Variants in GRM8 observed in about 807,000 individuals in gnomAD.
GRM8 encodes metabotropic glutamate receptor 8.
GRM8 carries 47 observed loss-of-function variants against 87.2 expected under a neutral mutation model. The observed-to-expected ratio is 0.54, with a 90% CI of 0.43 to 0.69. The LOEUF (loss-of-function observed/expected upper bound fraction) is 0.69. Among genes scored for constraint, GRM8 ranks in the 30% least tolerant of loss-of-function variants. The pLI is 0.00. For missense variants in GRM8, 1,019 were observed against 1,139.2 expected, an observed-to-expected ratio of 0.89 and a Z score of 1.52; for synonymous variants, 396 against 404.5, an observed-to-expected ratio of 0.98 and a Z score of 0.25.
chr7:126,854,023 G>A (rs1393746188), intron 6 of GRM8, among the ~76,000 whole-genome samples: 1 of 152,114 alleles, frequency 6.6e-6, no homozygotes, highest in Non-Finnish European at 1.5e-5. Context: ...TGAACATCAG[G>A]GTAGGAGAAC....
chr7:126,983,725 A>G (rs1342218006), intron 3 of GRM8, among the ~76,000 whole-genome samples: 1 of 152,182 alleles, frequency 6.6e-6, no homozygotes, highest in Non-Finnish European at 1.5e-5. Flanking sequence ...ATGCCCTCTG[A>G]TTAAGGTTAA....
In GRM8 at chr7:126,493,998, T is replaced by C. The variant is rs2150656182; in HGVS notation, c.2430+38954A>G. Among the ~76,000 whole-genome samples the C allele has an allele frequency of 2.6e-5, 4 of 152,088 alleles. No homozygotes were observed. In the Middle Eastern group the frequency reaches 0.01, roughly 388 times the overall value. On this transcript the variant is annotated intron_variant, in intron 9 of 10. Transcript: ENST00000339582. ...GGAAGTCACAGCTCTGCGGAGCTGC[T>C]TCCTCTCTCTGATAATGAGTCTCAA...
At chr7:127,092,905 T>G (rs1824289566) in intron 3 of GRM8, among the ~76,000 whole-genome samples, 1 of 152,210 alleles carries the variant, frequency 6.6e-6, no homozygotes, top group South Asian at 2.1e-4. Context: ...CACCTGGCAA[T>G]GCTCCCAAAC....
intron 3 of GRM8, among the ~76,000 whole-genome samples, chr7:126,935,290 C>T (rs1029694941): frequency 2.5e-4 from 38 of 151,996 alleles, no homozygotes; most frequent in African/African-American, 8.5e-4. Flanking sequence ...ATGGCAAAGA[C>T]GCAAAAACAA....
chr7:126,444,663 T>A (rs1801817251), intron 10 of GRM8, among the ~76,000 whole-genome samples: 1 of 152,092 alleles, frequency 6.6e-6, no homozygotes, highest in Admixed American at 6.6e-5. Flanking sequence ...TAGACAATGC[T>A]TATCTAGAAA....
intron 7 of GRM8, among the ~76,000 whole-genome samples, chr7:126,767,376 C>G (rs1359424933): frequency 6.6e-6 from 1 of 152,056 alleles, no homozygotes; most frequent in East Asian, 1.9e-4. Flanking sequence ...GAGAAGACTT[C>G]TGCTTTTGCT....
In GRM8 at chr7:127,252,158, T is replaced by A. The variant is rs549488380; in HGVS notation, c.-312+639A>T. On this transcript the variant is annotated intron_variant, in intron 1 of 10. Transcript: ENST00000339582. This position sits in a 1 kb window ranked among gnomAD's most constrained non-coding sequence, Gnocchi z 4.9. ...TCATCTCGGCGGGGCAAGTCCGGAT[T>A]CCACCAGGGCAGGTCCGGGAGGTCA... 1 of 152,032 alleles carries A rather than the reference T, an allele frequency of 6.6e-6. No homozygotes were observed. The highest frequency in any genetic ancestry group is 2.0e-4 in the East Asian group (1 of 5,126). 9.4% of individuals were successfully genotyped at this position (152,032 alleles called of 1,614,324 possible).
intron 2 of GRM8, among the ~76,000 whole-genome samples, chr7:127,215,475 C>T (rs1796471998): frequency 6.6e-6 from 1 of 151,986 alleles, no homozygotes; most frequent in Admixed American, 6.6e-5. Context: ...TCCTCATCTC[C>T]CATTCCACAA....
intron 7 of GRM8, among the ~76,000 whole-genome samples, chr7:126,641,284 A>C (rs1312456333): frequency 6.6e-6 from 1 of 152,210 alleles, no homozygotes; most frequent in East Asian, 1.9e-4. Context: ...TGAACCCAAA[A>C]CAAAGAAAAA....
Position 126,534,738 on chromosome 7 carries a change from G to T in GRM8, c.1495-851C>A, listed in dbSNP as rs146982765. Among the ~76,000 whole-genome samples the T allele has an allele frequency of 9.9e-4, 151 of 152,260 alleles. 1 individual carries two copies. The highest frequency in any genetic ancestry group is 3.4e-3 in the African/African-American group (141 of 41,550). On this transcript the variant is annotated intron_variant, in intron 8 of 10. Coordinates refer to ENST00000339582, the MANE Select transcript of GRM8 (RefSeq NM_000845.3). ...ATCATTGATCTCTTACCTTTAATTT[G>T]CTTTTCTTATTAGACACAGTAATTT... is the stretch of plus-strand genomic sequence containing the variant.
chr7:127,101,738 A>G (rs1825281608), intron 3 of GRM8, among the ~76,000 whole-genome samples: 1 of 152,198 alleles, frequency 6.6e-6, no homozygotes, highest in Non-Finnish European at 1.5e-5. Context: ...AAATGCAAGA[A>G]CAGCCTAACA....
chr7:127,176,522 G>A (rs1794117963), intron 2 of GRM8, among the ~76,000 whole-genome samples: 1 of 152,156 alleles, frequency 6.6e-6, no homozygotes, highest in African/African-American at 2.4e-5. Flanking sequence ...GCAACGTACA[G>A]AAGCTCACAC....
chr7:126,846,651 A>G (rs1322828630), intron 6 of GRM8, among the ~76,000 whole-genome samples: 1 of 152,232 alleles, frequency 6.6e-6, no homozygotes, highest in Non-Finnish European at 1.5e-5. Context: ...CATTAATACC[A>G]TGACATTTGA....
intron 2 of GRM8, among the ~76,000 whole-genome samples, chr7:127,110,565 G>A (rs1160175): frequency 0.99 from 151,162 of 152,350 alleles, 74,997 homozygotes; most frequent in Middle Eastern, 1. Flanking sequence ...CAAATGAAGC[G>A]TATTTGAGTC....
chr7:127,013,672 C>T (rs1815115799), intron 3 of GRM8, among the ~76,000 whole-genome samples: 1 of 152,084 alleles, frequency 6.6e-6, no homozygotes, highest in Admixed American at 6.6e-5. Flanking sequence ...TATTCCTGAA[C>T]ATTTAACTAT....
chr7:126,622,997 A>G (rs954624887), intron 7 of GRM8, among the ~76,000 whole-genome samples: 2 of 152,208 alleles, frequency 1.3e-5, no homozygotes, highest in East Asian at 1.9e-4. Context: ...TGATTCTTAC[A>G]TATTTCCAAA....
At chr7:127,069,014 A>C (rs773472284) in intron 3 of GRM8, among the ~76,000 whole-genome samples, 32 of 152,180 alleles carry the variant, frequency 2.1e-4, no homozygotes, top group Non-Finnish European at 3.5e-4. Context: ...GTGAAGGAAA[A>C]GTCTTTAACG....
intron 6 of GRM8, among the ~76,000 whole-genome samples, chr7:126,781,109 A>G (rs1162552777): frequency 6.6e-6 from 1 of 152,210 alleles, no homozygotes; most frequent in Non-Finnish European, 1.5e-5. Flanking sequence ...AGTGCTGCTC[A>G]ATTAGATGGG....
intron 2 of GRM8, among the ~76,000 whole-genome samples, chr7:127,167,259 C>T (rs1191381071): frequency 6.6e-6 from 1 of 152,116 alleles, no homozygotes; most frequent in Non-Finnish European, 1.5e-5. Flanking sequence ...CATGTACATG[C>T]CAACAATTCT....
Sources: gnomAD v4.1 joint callset for allele counts (sites outside exome capture counted in the v4.1 genomes callset) on GRCh38, gnomAD v4.1.1 for gene constraint, Gnocchi (gnomAD v3.1) non-coding constraint, MANE v1.5 for transcripts, NCBI Gene and HGNC (gene_info 2026-07-23, HGNC 2026-07-21) for gene names.